RNF215: variants seen among roughly 807,000 people sequenced by gnomAD.
RNF215 encodes the protein ring finger protein 215.
A neutral mutation model predicts 44.8 loss-of-function variants in RNF215; 41 were observed. The ratio of observed to expected loss-of-function variants is 0.92; its 90% CI spans 0.71 to 1.19. RNF215 has a LOEUF of 1.19. RNF215 is among the 50% of genes most tolerant of loss of function. The probability of loss-of-function intolerance (pLI) is 0.00; values close to 1 mark genes in which losing one functional copy is unlikely to be tolerated. For synonymous variants in RNF215, 218 were observed against 230.1 expected (o/e 0.95, Z 0.48); for missense variants, 452 against 496.2 (o/e 0.91, Z 0.85).
In RNF215 at chr22:30,384,325, C is replaced by A; in HGVS notation, c.744+14G>T. The A allele has an allele frequency of 6.2e-7, 1 of 1,610,452 alleles. No individual in the cohort carries two copies. The highest frequency in any genetic ancestry group is 2.2e-5 in the East Asian group (1 of 44,776). The stretch of plus-strand genomic sequence containing the variant: ...CTCCTTTCCCTAGGCCCCATGTAAT[C>A]TGCTAGCACCCACCTGCTCCTGGGC... On this transcript the variant is annotated intron_variant, in intron 5 of 8. Coordinates refer to ENST00000382363, the MANE Select transcript of RNF215 (RefSeq NM_001017981.2).
rs138920764 is a variant in RNF215, at chr22:30,383,667, G to A, written c.744+672C>T. Among the ~76,000 whole-genome samples, 27 of 152,302 alleles carry A rather than the reference G, an allele frequency of 1.8e-4. 1 individual carries two copies. The highest frequency in any genetic ancestry group is 6.2e-4 in the South Asian group (3 of 4,820). On this transcript the variant is annotated intron_variant, in intron 5 of 8. Transcript: ENST00000382363. ...ACCCTTGAATGCCCTGATGCCAAGC[G>A]CTGGAAATCCAGAGACGATAAAACA...
At position 30,379,631 on chromosome 22, in the gene RNF215, G is replaced by A. The variant is rs895931192; in HGVS notation, c.1112-9C>T. On this transcript the variant is annotated splice_polypyrimidine_tract_variant and intron_variant, in intron 8 of 8. Transcript: ENST00000382363. ...ATCGGAGTAGCGGTTCCCTGCAGGG[G>A]AGGGGAAGAAGAACAGGGAGAGAGG... 1.9e-6 allele frequency: 3 copies of A among 1,551,692 alleles called. No individual in the cohort carries two copies. Among genetic ancestry groups the A allele is most frequent in the Non-Finnish European group, 2.6e-6 (3 of 1,147,090 alleles).
chr22:30,379,893 T>C, intron 7 of RNF215, 80 bp from the exon 8 acceptor site: 1 of 1,509,772 alleles, frequency 6.6e-7, no homozygotes, highest in East Asian at 2.3e-5. Flanking sequence ...GCCCCTCGCC[T>C]CAGCTGGGGA....
At position 30,386,775 on chromosome 22, in the gene RNF215, C is replaced by T; in HGVS notation, c.286-16G>A. On this transcript the variant is annotated splice_polypyrimidine_tract_variant and intron_variant, in intron 1 of 8. Transcript: ENST00000382363. ...CGATGTCCATCTGTGTGGCAAGGGG[C>T]CATGAGCAGAGGGAGGTAGGGTGTG... 6.3e-7 allele frequency: 1 copy of T among 1,598,318 alleles called. No homozygotes were observed. Among genetic ancestry groups the T allele is most frequent in the South Asian group, 1.1e-5 (1 of 90,606 alleles).
At position 30,379,623 on chromosome 22, in the gene RNF215, C is replaced by A. The variant is rs1172604653; in HGVS notation, c.1112-1G>T. 9 of 1,551,328 alleles carry A rather than the reference C, an allele frequency of 5.8e-6. No individual in the cohort carries two copies. Among genetic ancestry groups the A allele is most frequent in the Non-Finnish European group, 7.8e-6 (9 of 1,147,076 alleles). On this transcript the variant is annotated splice_acceptor_variant, in intron 8 of 8. Coordinates refer to ENST00000382363, the MANE Select transcript of RNF215 (RefSeq NM_001017981.2). LOFTEE classifies it high-confidence loss of function. ...AGCTAATCATCGGAGTAGCGGTTCC[C>A]TGCAGGGGAGGGGAAGAAGAACAGG...
chr22:30,386,599 A>C lies in RNF215; in HGVS notation c.429+17T>G. 6.2e-7 allele frequency: 1 copy of C among 1,607,334 alleles called. No homozygotes were observed. The highest frequency in any genetic ancestry group is 8.5e-7 in the Non-Finnish European group (1 of 1,177,048). On this transcript the variant is annotated intron_variant, in intron 2 of 8. Transcript: ENST00000382363. ...ATCCTTTCCTCCAGCCCCCTCCCCC[A>C]TAGACATCCCCTGCACCTGCTGGAC...
At chr22:30,382,867 C>T (rs1262358005) in intron 5 of RNF215, among the ~76,000 whole-genome samples, 1 of 152,046 alleles carries the variant, frequency 6.6e-6, no homozygotes, top group Non-Finnish European at 1.5e-5. Flanking sequence ...TTTGGGAGGC[C>T]GAGGTGGGCC....
In RNF215 at chr22:30,379,809, A is replaced by G. The variant is rs1364744321; in HGVS notation, c.1013T>C (p.Leu338Pro). The G allele has an allele frequency of 6.4e-7, 1 of 1,572,292 alleles. No homozygotes were observed. The highest frequency in any genetic ancestry group is 8.6e-7 in the Non-Finnish European group (1 of 1,160,522). ...CLDYFCNKQW[L>P]RVLPCKHEFH... ...CTCGTGCTTACAGGGCAGCACCCGG[A>G]GCCACTACAGGGGTGGGGGAGGAAG... Residue 338 changes from leucine (L) to proline (P), a missense_variant, in exon 8 of 9, where the codon CTC becomes CCC. Transcript: ENST00000382363.
Position 30,379,557 on chromosome 22 carries a change from G to A in RNF215, c.*43C>T, listed in dbSNP as rs112418890. The A allele has an allele frequency of 1.3e-6, 2 of 1,547,206 alleles. No homozygotes were observed. Among genetic ancestry groups the A allele is most frequent in the Admixed American group, 3.9e-5 (2 of 51,002 alleles). On this transcript the variant is annotated 3_prime_UTR_variant, in exon 9 of 9. Coordinates refer to ENST00000382363, the MANE Select transcript of RNF215 (RefSeq NM_001017981.2). ...AGCCCAGGCTGAGGACCGGGGTGCAGGCAGGAAGGGTCCATCCCCATGTGC... is the reference window on the plus strand; with the variant it reads ...AGCCCAGGCTGAGGACCGGGGTGCAAGCAGGAAGGGTCCATCCCCATGTGC...
At chr22:30,386,023 T>TAA in intron 3 of RNF215, 34 bp from the exon 4 acceptor site, 1 of 1,613,526 alleles carries the variant, frequency 6.2e-7, no homozygotes, top group Middle Eastern at 1.7e-4. Flanking sequence ...CAGGCCTGGG[T>TAA]CCCCCTTTCC....
intron 2 of RNF215, 118 bp from the exon 3 acceptor site, chr22:30,386,259 A>AC: frequency 2.1e-6 from 2 of 954,428 alleles, no homozygotes; most frequent in Non-Finnish European, 3.2e-6. Context: ...CTCTGGACAG[A>AC]CTGCCATAAG....
chr22:30,379,841 G>T, intron 7 of RNF215, 28 bp from the exon 8 acceptor site: 1 of 1,571,584 alleles, frequency 6.4e-7, no homozygotes, highest in East Asian at 2.3e-5. Context: ...GAAGGGCTCA[G>T]GTCACCGAAG....
rs991029017 is a variant in RNF215 at position 30,386,522 on chromosome 22, A to C, written c.429+94T>G. The C allele has an allele frequency of 1.3e-5, 19 of 1,472,550 alleles. No individual in the cohort carries two copies. The African/African-American group carries it at 2.5e-4, about 20-fold the overall frequency. 91.2% of individuals were successfully genotyped at this position (1,472,550 alleles called of 1,614,324 possible). A position where few individuals can be genotyped will look rare whatever the true frequency, so the allele number is the denominator to read the frequency against. On this transcript the variant is annotated intron_variant, in intron 2 of 8. Transcript: ENST00000382363. Reference sequence around the variant, plus strand: ...CCCACCAGGCCTAGGGCTTCTCTGCAAGCTCTTAAGGGCCCATCTAAGGAG... The same window carrying C: ...CCCACCAGGCCTAGGGCTTCTCTGCCAGCTCTTAAGGGCCCATCTAAGGAG...
Position 30,379,735 on chromosome 22 carries a change from G to A in RNF215, c.1087C>T (p.Pro363Ser), listed in dbSNP as rs1933495531. The change falls in exon 8 of 9, where the codon CCA (proline) becomes TCA (serine). Residue 363 changes from proline (P) to serine (S), a missense_variant. Transcript: ENST00000382363. ...CCCAGGACGTTGAATTTGCACAGTG[G>A]GCAGGTCTGCTGGAGCATCAGCCAG... ...DPWLMLQQTCPLCKFNVLGNR... is the reference protein window; with the variant it reads ...DPWLMLQQTCSLCKFNVLGNR... The A allele has an allele frequency of 6.4e-7, 1 of 1,564,044 alleles. No homozygotes were observed. Among genetic ancestry groups the A allele is most frequent in the Non-Finnish European group, 8.7e-7 (1 of 1,154,634 alleles).
At chr22:30,385,167 A>G (rs1933578899) in intron 4 of RNF215, among the ~76,000 whole-genome samples, 1 of 151,952 alleles carries the variant, frequency 6.6e-6, no homozygotes, top group South Asian at 2.1e-4. Flanking sequence ...CACACCTGTA[A>G]TCCCAGCACT....
At chr22:30,381,121 A>G (rs1305781268) in intron 5 of RNF215, among the ~76,000 whole-genome samples, 2 of 151,810 alleles carry the variant, frequency 1.3e-5, no homozygotes, top group East Asian at 3.9e-4. Flanking sequence ...CCTCCACCAC[A>G]TCTTGCTCTA....
intron 2 of RNF215, 70 bp from the exon 3 acceptor site, chr22:30,386,211 C>G: frequency 7.1e-7 from 1 of 1,412,348 alleles, no homozygotes; most frequent in South Asian, 1.2e-5. Context: ...ACCTGCAGCC[C>G]TAGCTGCTCT....
At chr22:30,383,242 T>G (rs1308267117) in intron 5 of RNF215, among the ~76,000 whole-genome samples, 1 of 152,032 alleles carries the variant, frequency 6.6e-6, no homozygotes, top group African/African-American at 2.4e-5. Context: ...CACCCAATAC[T>G]TGGGTTGGGA....
At chr22:30,386,184 T>C in intron 2 of RNF215, 43 bp from the exon 3 acceptor site, 9 of 1,532,386 alleles carry the variant, frequency 5.9e-6, no homozygotes, top group Non-Finnish European at 8.0e-6. Flanking sequence ...ATACCCTGCC[T>C]GCACACCTGT....
Sources: gnomAD v4.1 joint callset for allele counts (sites outside exome capture counted in the v4.1 genomes callset) on GRCh38, gnomAD v4.1.1 for gene constraint, MANE v1.5 for transcripts, NCBI Gene and HGNC (gene_info 2026-07-23, HGNC 2026-07-21) for gene names.